The following PARD3B variants were observed in gnomAD, a reference collection of about 807,000 sequenced individuals.
PARD3B encodes par-3 family cell polarity regulator beta, also known as partitioning defective 3 homolog B.
PARD3B carries 103 observed loss-of-function variants against 130.2 expected under a neutral mutation model. That is an observed-to-expected ratio of 0.79 (90% CI 0.67 to 0.93). The LOEUF is 0.93. PARD3B is among the 40% of genes least tolerant of loss of function. PARD3B has a pLI of 0.00. For synonymous variants in PARD3B, 583 were observed against 553.2 expected (o/e 1.05, Z -0.76); for missense variants, 1,609 against 1,499.2 (o/e 1.07, Z -1.21).
rs536400214 is a variant in PARD3B, at chr2:204,790,998, G to A, written c.222+104716G>A. On this transcript the variant is annotated intron_variant, in intron 2 of 22. Coordinates refer to ENST00000406610, the MANE Select transcript of PARD3B (RefSeq NM_001302769.2). ...TGCATGCCTGTAATTCCAGCTACTCGGGAGGCTGAGGCAGGAGAATCACTT... is the reference window on the plus strand; with the variant it reads ...TGCATGCCTGTAATTCCAGCTACTCAGGAGGCTGAGGCAGGAGAATCACTT... Among the ~76,000 whole-genome samples the A allele has an allele frequency of 9.0e-4, 137 of 152,146 alleles. 1 individual carries two copies. The highest frequency in any genetic ancestry group is 3.1e-3 in the African/African-American group (128 of 41,498).
Position 205,301,925 on chromosome 2 carries a change from G to A in PARD3B, c.2630+224G>A. 1.3e-6 allele frequency: 1 copy of A among 743,880 alleles called. No homozygotes were observed. Among genetic ancestry groups the A allele is most frequent in the Non-Finnish European group, 2.4e-6 (1 of 418,094 alleles). 46.1% of individuals were successfully genotyped at this position (743,880 alleles called of 1,614,324 possible). A position where few individuals can be genotyped will look rare whatever the true frequency, so the allele number is the denominator to read the frequency against. On this transcript the variant is annotated intron_variant, in intron 18 of 22. Transcript: ENST00000406610. The surrounding 1 kb of genome is among the most constrained non-coding windows in gnomAD (Gnocchi z 5.2). Reference sequence around the variant, plus strand: ...TGTCTTAAGTTTGTTGTCAAAGAAAGGTCAACACTATGCCAGGCACGGTGG... The same window carrying A: ...TGTCTTAAGTTTGTTGTCAAAGAAAAGTCAACACTATGCCAGGCACGGTGG...
At chr2:205,179,406 A>G (rs1409349142) in intron 13 of PARD3B, among the ~76,000 whole-genome samples, 2 of 152,300 alleles carry the variant, frequency 1.3e-5, no homozygotes, top group African/African-American at 4.8e-5. Flanking sequence ...ATCCTCACTC[A>G]CTGACTCACC....
intron 20 of PARD3B, among the ~76,000 whole-genome samples, chr2:205,495,205 T>C (rs922326574): frequency 2.0e-5 from 3 of 152,220 alleles, no homozygotes; most frequent in Admixed American, 2.0e-4. Context: ...TAAAGTGTTA[T>C]AAGAAAGGGC....
intron 19 of PARD3B, among the ~76,000 whole-genome samples, chr2:205,432,895 C>T (rs1307787974): frequency 6.6e-6 from 1 of 152,088 alleles, no homozygotes; most frequent in Non-Finnish European, 1.5e-5. Context: ...GTAGGCCAGC[C>T]TTTGATGTTG....
In PARD3B at chr2:205,258,362, G is replaced by A. The variant is rs974774882; in HGVS notation, c.2185+12540G>A. The stretch of plus-strand genomic sequence containing the variant: ...GAGTGATCTTCCACTCTATACGGCT[G>A]ATTCACTCTGATTCAATTCTCAGGT... On this transcript the variant is annotated intron_variant, in intron 16 of 22. Transcript: ENST00000406610. The surrounding 1 kb of genome is among the most constrained non-coding windows in gnomAD (Gnocchi z 4.9). Among the ~76,000 whole-genome samples the A allele has an allele frequency of 6.6e-6, 1 of 152,154 alleles. No homozygotes were observed. Among genetic ancestry groups the A allele is most frequent in the African/African-American group, 2.4e-5 (1 of 41,446 alleles).
intron 2 of PARD3B, among the ~76,000 whole-genome samples, chr2:204,850,512 G>A (rs906248477): frequency 1.5e-5 from 2 of 135,974 alleles, no homozygotes; most frequent in Non-Finnish European, 3.0e-5. Flanking sequence ...ATATATATAT[G>A]TGTGTGATTG....
rs889401915 is a variant in PARD3B at position 204,606,201 on chromosome 2, A to C, written c.120+60082A>C. ...ATTTTTGTCTTTGAGTTTGCCACAC[A>C]TGTGGCATAGTGCAGCGCCTTATGT... On this transcript the variant is annotated intron_variant, in intron 1 of 22. Coordinates refer to ENST00000406610, the MANE Select transcript of PARD3B (RefSeq NM_001302769.2). The surrounding 1 kb of genome is among the most constrained non-coding windows in gnomAD (Gnocchi z 4.0). 7.2e-5 allele frequency among the ~76,000 whole-genome samples: 11 copies of C among 152,144 alleles called. No individual in the cohort carries two copies. The highest frequency in any genetic ancestry group is 1.6e-4 in the Non-Finnish European group (11 of 68,022).
In PARD3B at chr2:205,160,609, A is replaced by G. The variant is rs1449118534; in HGVS notation, c.1620+1702A>G. ...AGAATTGAGTCCCATCACTCCATCT[A>G]TAAAACTGGCTCAGAAATACATAAG... On this transcript the variant is annotated intron_variant, in intron 11 of 22. Coordinates refer to ENST00000406610, the MANE Select transcript of PARD3B (RefSeq NM_001302769.2). The surrounding 1 kb of genome is among the most constrained non-coding windows in gnomAD (Gnocchi z 4.0). 6.6e-6 allele frequency among the ~76,000 whole-genome samples: 1 copy of G among 152,280 alleles called. No homozygotes were observed. The highest frequency in any genetic ancestry group is 6.5e-5 in the Admixed American group (1 of 15,292).
intron 2 of PARD3B, among the ~76,000 whole-genome samples, chr2:204,925,033 G>T (rs1156955457): frequency 6.7e-6 from 1 of 150,170 alleles, no homozygotes; most frequent in African/African-American, 2.4e-5. Context: ...TATATATCAG[G>T]TATATAAATA....
rs539452695 is a variant in PARD3B, at chr2:204,952,701, A to G, written c.223-12451A>G. On this transcript the variant is annotated intron_variant, in intron 2 of 22. Coordinates refer to ENST00000406610, the MANE Select transcript of PARD3B (RefSeq NM_001302769.2). ...GAAGAAGTAAAAATAGCTCATAAAA[A>G]TATTGTCAATATCACGGTCAGGCGC... Among the ~76,000 whole-genome samples, 73 of 152,302 alleles carry G rather than the reference A, an allele frequency of 4.8e-4. No homozygotes were observed. In the Middle Eastern group the frequency reaches 0.014, roughly 28 times the overall value.
Position 204,908,164 on chromosome 2 carries a change from T to C in PARD3B, c.223-56988T>C, listed in dbSNP as rs145722368. On this transcript the variant is annotated intron_variant, in intron 2 of 22. Transcript: ENST00000406610. ...TAAACTGATATAATATCTTCTATCT[T>C]TGAACTTGTAATATAAGAGAATAAT... 5.4e-3 allele frequency among the ~76,000 whole-genome samples: 827 copies of C among 152,276 alleles called. 9 individuals are homozygous for C. The highest frequency in any genetic ancestry group is 0.018 in the African/African-American group (750 of 41,564).
intron 22 of PARD3B, among the ~76,000 whole-genome samples, chr2:205,557,234 C>A (rs1411358115): frequency 6.6e-6 from 1 of 152,150 alleles, no homozygotes; most frequent in African/African-American, 2.4e-5. Flanking sequence ...CTACAAGATT[C>A]ACATTATGCA....
intron 3 of PARD3B, among the ~76,000 whole-genome samples, chr2:205,040,156 G>T (rs917895415): frequency 1.3e-5 from 2 of 151,980 alleles, no homozygotes; most frequent in African/African-American, 2.4e-5. Context: ...TAGAGATGGG[G>T]TTTCACCATA....
At chr2:205,074,032 C>G (rs1406908764) in intron 4 of PARD3B, among the ~76,000 whole-genome samples, 3 of 152,126 alleles carry the variant, frequency 2.0e-5, no homozygotes, top group South Asian at 4.1e-4. Context: ...TGTTGTATGA[C>G]TAATCTTAGT....
At position 204,608,327 on chromosome 2, in the gene PARD3B, T is replaced by A. The variant is rs118069778; in HGVS notation, c.120+62208T>A. Among the ~76,000 whole-genome samples, 430 of 152,330 alleles carry A rather than the reference T, an allele frequency of 2.8e-3. 10 individuals are homozygous for A. In the East Asian group the frequency reaches 0.034, roughly 12 times the overall value. On this transcript the variant is annotated intron_variant, in intron 1 of 22. Transcript: ENST00000406610. The stretch of plus-strand genomic sequence containing the variant: ...CTCCACTAGCTGTTACATGTTTATA[T>A]CCTCCAAAACTTTCACTCTGGCTTT...
chr2:204,711,179 A>T (rs1221049072), intron 2 of PARD3B, among the ~76,000 whole-genome samples: 1 of 152,182 alleles, frequency 6.6e-6, no homozygotes, highest in African/African-American at 2.4e-5. Context: ...ACTGGACTTA[A>T]ACAATTACTT....
At chr2:205,605,840 C>A (rs911368795) in intron 22 of PARD3B, among the ~76,000 whole-genome samples, 1 of 152,204 alleles carries the variant, frequency 6.6e-6, no homozygotes, top group Non-Finnish European at 1.5e-5. Flanking sequence ...TCAGAGCCAG[C>A]AGCAGGAAGA....
At chr2:205,217,533 T>C (rs2125862388) in intron 15 of PARD3B, among the ~76,000 whole-genome samples, 1 of 150,628 alleles carries the variant, frequency 6.6e-6, no homozygotes, top group South Asian at 2.1e-4. Flanking sequence ...GAGAAGCTAG[T>C]GAAGGAACAA....
At chr2:205,149,371 C>G (rs1559485974) in intron 10 of PARD3B, among the ~76,000 whole-genome samples, 1 of 151,980 alleles carries the variant, frequency 6.6e-6, no homozygotes, top group Admixed American at 6.6e-5. Context: ...AGCCACTGTG[C>G]CTTGCCCCAT....
Sources: allele counts gnomAD v4.1 joint callset (sites outside exome capture counted in the v4.1 genomes callset), GRCh38; gene constraint gnomAD v4.1.1; non-coding constraint Gnocchi (gnomAD v3.1); transcripts MANE v1.5; gene names NCBI Gene and HGNC (gene_info 2026-07-23, HGNC 2026-07-21).